Variants in CTNNA3 observed in about 807,000 individuals in gnomAD.
The protein encoded by CTNNA3 is catenin alpha-3.
In CTNNA3, 76 loss-of-function variants were observed where a neutral mutation model predicts 95.7. The observed-to-expected ratio is 0.79, with a 90% CI of 0.66 to 0.96. The LOEUF is 0.96. Among genes scored for constraint, CTNNA3 ranks in the 40% least tolerant of loss-of-function variants. The pLI is 0.00. For missense variants in CTNNA3, 1,191 were observed against 1,089.8 expected (o/e 1.09, Z -1.31); for synonymous variants, 431 against 374.4 (o/e 1.15, Z -1.74).
intron 15 of CTNNA3, among the ~76,000 whole-genome samples, chr10:66,040,537 T>C (rs370137923): frequency 4.6e-5 from 7 of 151,970 alleles, no homozygotes; most frequent in African/African-American, 1.7e-4. Context: ...CATGGAATAC[T>C]ATGCAGCCAT....
chr10:66,376,059 T>C (rs969481634), intron 12 of CTNNA3, among the ~76,000 whole-genome samples: 1 of 151,938 alleles, frequency 6.6e-6, no homozygotes, highest in South Asian at 2.1e-4. Flanking sequence ...TAGGTGGGGG[T>C]TGGAGGTTTG....
At chr10:67,133,225 T>C (rs868356740) in intron 7 of CTNNA3, among the ~76,000 whole-genome samples, 14 of 145,970 alleles carry the variant, frequency 9.6e-5, no homozygotes, top group Admixed American at 2.8e-4. Flanking sequence ...AGAGAAAAAA[T>C]TAAAAAGCAA....
chr10:66,117,826 A>G lies in CTNNA3; in HGVS notation c.1885-14577T>C, dbSNP rs567760417. On this transcript the variant is annotated intron_variant, in intron 13 of 17. Transcript: ENST00000433211. ...TAGAATGCCAATATTATTGACAACTATATAAGAGTACTATGGAGCTATCCT... is the reference window on the plus strand; with the variant it reads ...TAGAATGCCAATATTATTGACAACTGTATAAGAGTACTATGGAGCTATCCT... Among the ~76,000 whole-genome samples, 13 of 152,314 alleles carry G rather than the reference A, an allele frequency of 8.5e-5. No individual in the cohort carries two copies. In the South Asian group the frequency reaches 2.7e-3, roughly 32 times the overall value.
chr10:67,553,260 C>G (rs1242977309), intron 3 of CTNNA3, among the ~76,000 whole-genome samples: 4 of 152,014 alleles, frequency 2.6e-5, no homozygotes, highest in Admixed American at 1.3e-4. Flanking sequence ...GTAACTATAC[C>G]CCTTAAATCT....
At chr10:66,062,007 C>T (rs1034040102) in intron 15 of CTNNA3, among the ~76,000 whole-genome samples, 3 of 152,084 alleles carry the variant, frequency 2.0e-5, no homozygotes, top group Non-Finnish European at 4.4e-5. Context: ...TGGGTAGGTG[C>T]CCAAATTCTG....
At chr10:66,799,246 A>T (rs1186016375) in intron 7 of CTNNA3, among the ~76,000 whole-genome samples, 2 of 151,642 alleles carry the variant, frequency 1.3e-5, no homozygotes, top group Non-Finnish European at 3.0e-5. Context: ...TAAAAGTGTG[A>T]CTAATAAAAA....
chr10:67,607,466 G>A (rs1843315759), intron 2 of CTNNA3, among the ~76,000 whole-genome samples: 2 of 152,230 alleles, frequency 1.3e-5, no homozygotes, highest in Admixed American at 1.3e-4. Flanking sequence ...TATTCCTGAG[G>A]AAGATGAAGA....
intron 3 of CTNNA3, among the ~76,000 whole-genome samples, chr10:67,540,974 A>G (rs1306479385): frequency 1.3e-5 from 2 of 151,936 alleles, no homozygotes; most frequent in African/African-American, 4.8e-5. Flanking sequence ...ATATAAAATA[A>G]TAAACCTACT....
chr10:66,198,589 T>A (rs2087115199), intron 13 of CTNNA3, among the ~76,000 whole-genome samples: 1 of 152,066 alleles, frequency 6.6e-6, no homozygotes, highest in South Asian at 2.1e-4. Flanking sequence ...TTATTTAACA[T>A]CAGATAATCT....
intron 3 of CTNNA3, among the ~76,000 whole-genome samples, chr10:67,542,094 C>T (rs12358079): frequency 0.14 from 21,343 of 152,058 alleles, 3,381 homozygotes; most frequent in African/African-American, 0.4. Context: ...TCAGGTAGCT[C>T]TGTTGGGAAG....
chr10:66,269,953 A>G (rs946462458), intron 13 of CTNNA3, among the ~76,000 whole-genome samples: 8 of 152,176 alleles, frequency 5.3e-5, no homozygotes, highest in African/African-American at 1.9e-4. Flanking sequence ...TCATAATTAC[A>G]TTAGTGGCCA....
chr10:67,189,138 ACAAC>A (rs1240940977), intron 6 of CTNNA3, among the ~76,000 whole-genome samples: 56 of 121,594 alleles, frequency 4.6e-4, no homozygotes, highest in South Asian at 2.1e-3. Flanking sequence ...AACAACAACA[ACAAC>A]AAAAAAAAAA....
At chr10:66,958,300 C>T (rs1412340149) in intron 7 of CTNNA3, among the ~76,000 whole-genome samples, 3 of 102,552 alleles carry the variant, frequency 2.9e-5, no homozygotes, top group African/African-American at 1.2e-4. Context: ...CCTCCACCTG[C>T]TTTCTTGCAA....
rs548429598 is a variant in CTNNA3 at position 66,414,631 on chromosome 10, C to T, written c.1532-35279G>A. Among the ~76,000 whole-genome samples, 242 of 152,242 alleles carry T rather than the reference C, an allele frequency of 1.6e-3. 1 individual carries two copies. The highest frequency in any genetic ancestry group is 6.8e-3 in the Middle Eastern group (2 of 292). ...TTCCTTGTGACCTAAGCAACTACAG[C>T]AAGATGCCATTTTAGAACTTTGCCT... On this transcript the variant is annotated intron_variant, in intron 11 of 17. Coordinates refer to ENST00000433211, the MANE Select transcript of CTNNA3 (RefSeq NM_013266.4).
intron 7 of CTNNA3, among the ~76,000 whole-genome samples, chr10:66,789,849 G>A (rs1840898685): frequency 6.6e-6 from 1 of 152,170 alleles, no homozygotes; most frequent in Non-Finnish European, 1.5e-5. Flanking sequence ...TGGGAGCTAA[G>A]GGCAGCAAGA....
chr10:66,644,321 T>C (rs1026148419), intron 9 of CTNNA3, among the ~76,000 whole-genome samples: 3 of 131,902 alleles, frequency 2.3e-5, no homozygotes, highest in Non-Finnish European at 3.2e-5. Flanking sequence ...TATATATATA[T>C]ATAAAATAAT....
chr10:67,603,782 A>G (rs57193977), intron 3 of CTNNA3, among the ~76,000 whole-genome samples: 5,429 of 152,250 alleles, frequency 0.036, 99 homozygotes, highest in Middle Eastern at 0.078. Context: ...GCTACGGTTA[A>G]CTTATTATTG....
At chr10:66,060,769 G>A (rs10996870) in intron 15 of CTNNA3, among the ~76,000 whole-genome samples, 93,195 of 151,784 alleles carry the variant, frequency 0.61, 28,658 homozygotes, top group East Asian at 0.71. Flanking sequence ...AGGATAAAAT[G>A]GTCTTTGCAT....
chr10:67,372,505 G>A lies in CTNNA3; in HGVS notation c.579+149337C>T, dbSNP rs566896332. Among the ~76,000 whole-genome samples, 383 of 152,232 alleles carry A rather than the reference G, an allele frequency of 2.5e-3. 2 individuals carry two copies. The highest frequency in any genetic ancestry group is 8.9e-3 in the African/African-American group (369 of 41,532). On this transcript the variant is annotated intron_variant, in intron 5 of 17. Coordinates refer to ENST00000433211, the MANE Select transcript of CTNNA3 (RefSeq NM_013266.4). ...AAGACCAAATCTACGTCTGATTGGT[G>A]TACCTGAAAGTGATAGGGAGAATGG...
Sources: allele counts gnomAD v4.1 joint callset (sites outside exome capture counted in the v4.1 genomes callset), GRCh38; gene constraint gnomAD v4.1.1; transcripts MANE v1.5; gene names NCBI Gene and HGNC (gene_info 2026-07-23, HGNC 2026-07-21).